NRXN2: variants seen among roughly 807,000 people sequenced by gnomAD.
NRXN2 encodes the protein neurexin 2.
A neutral mutation model predicts 128.8 loss-of-function variants in NRXN2; 29 were observed. The observed-to-expected ratio is 0.23, with a 90% confidence interval of 0.17 to 0.31. NRXN2 has a LOEUF of 0.31. Ranked by LOEUF, NRXN2 falls within the 10% of genes least tolerant of loss-of-function variation. The pLI is 1.00. For missense variants in NRXN2, 1,881 were observed against 2,452.6 expected, an observed-to-expected ratio of 0.77 and a Z score of 4.92; for synonymous variants, 1,098 against 1,075.2, an observed-to-expected ratio of 1.02 and a Z score of -0.41.
intron 20 of NRXN2, among the ~76,000 whole-genome samples, chr11:64,625,768 C>T (rs371063068): frequency 2.6e-5 from 4 of 152,178 alleles, no homozygotes; most frequent in East Asian, 1.9e-4. Context: ...TCACAAGGGG[C>T]TTGCTTGGTC....
rs1348948826 is a variant in NRXN2 at position 64,642,734 on chromosome 11, G to A, written c.3403+5485C>T. The A allele has an allele frequency of 5.6e-6, 8 of 1,427,718 alleles. No homozygotes were observed. The Admixed American group carries it at 1.9e-4, about 34-fold the overall frequency. 88.4% of individuals were successfully genotyped at this position (1,427,718 alleles called of 1,614,324 possible). A position where few individuals can be genotyped will look rare whatever the true frequency, so the allele number is the denominator to read the frequency against. On this transcript the variant is annotated intron_variant, in intron 17 of 22. Coordinates refer to ENST00000265459, the MANE Select transcript of NRXN2 (RefSeq NM_015080.4). Reference sequence around the variant, plus strand: ...GGTGGCGGCGGCGGCGGTGGAGGCGGCGGCAGGGGCCCAGCCAGGGCCGGG... The same window carrying A: ...GGTGGCGGCGGCGGCGGTGGAGGCGACGGCAGGGGCCCAGCCAGGGCCGGG...
intron 21 of NRXN2, among the ~76,000 whole-genome samples, chr11:64,620,747 G>A (rs751053460): frequency 4.1e-4 from 62 of 149,784 alleles, no homozygotes; most frequent in Admixed American, 6.7e-4. Flanking sequence ...ATGGGGCGGA[G>A]CCTGCAGAGG....
intron 11 of NRXN2, among the ~76,000 whole-genome samples, chr11:64,659,030 C>CA (rs937483967): frequency 5.9e-5 from 9 of 151,898 alleles, no homozygotes; most frequent in Non-Finnish European, 7.4e-5. Flanking sequence ...TCTCAAAAAA[C>CA]AAAAAAAATG....
intron 7 of NRXN2, among the ~76,000 whole-genome samples, chr11:64,669,933 G>A (rs147434286): frequency 7.2e-5 from 11 of 152,068 alleles, no homozygotes; most frequent in Middle Eastern, 3.2e-3. Flanking sequence ...GGGCCTTCCA[G>A]TCACATCCTA....
chr11:64,660,456 A>G lies in NRXN2; in HGVS notation c.2265T>C (p.Asp755=). The G allele has an allele frequency of 1.9e-6, 3 of 1,614,146 alleles. No homozygotes were observed. The highest frequency in any genetic ancestry group is 2.2e-5 in the East Asian group (1 of 44,880). The change falls in exon 11 of 23, where the codon GAT becomes GAC. Residue 755 remains aspartate, a synonymous_variant. Coordinates refer to ENST00000265459, the MANE Select transcript of NRXN2 (RefSeq NM_015080.4). This position sits in a 1 kb window ranked among gnomAD's most constrained non-coding sequence, Gnocchi z 5.2. ...GCTGGGACATGAAACGCAGGGACAC[A>G]TCCTCTGCCTCCGTGTGCATGGCGT... ...LPNAMHTEAE[D]VSLRFMSQRA... is the part of the protein sequence containing the mutation.
intron 21 of NRXN2, among the ~76,000 whole-genome samples, chr11:64,621,197 C>T (rs951717136): frequency 1.3e-5 from 2 of 152,104 alleles, no homozygotes. Context: ...CAAGGCAGTG[C>T]CTGGAGGACC....
At chr11:64,662,150 C>T (rs2049121765) in intron 9 of NRXN2, among the ~76,000 whole-genome samples, 1 of 151,432 alleles carries the variant, frequency 6.6e-6, no homozygotes, top group Non-Finnish European at 1.5e-5. Flanking sequence ...CCCAGCTACT[C>T]GGGAGACTAA....
chr11:64,713,175 G>C lies in NRXN2; in HGVS notation c.525C>G (p.Phe175Leu). 2.0e-6 allele frequency: 3 copies of C among 1,463,466 alleles called. No homozygotes were observed. Among genetic ancestry groups the C allele is most frequent in the Non-Finnish European group, 2.7e-6 (3 of 1,110,914 alleles). The allele number at this position is 1,463,466 out of a possible 1,614,324, so 90.7% of individuals were successfully genotyped here. The change falls in exon 2 of 23, where the codon TTC becomes TTG. Residue 175 changes from phenylalanine to leucine, a missense_variant. Physicochemically the swap from Phe to Leu is conservative, Grantham distance 22 (BLOSUM62 0). Around this residue, in one of 7 missense-constraint regions of NRXN2, gnomAD observed 997 missense variants for 1,240.8 expected, o/e 0.80. Coordinates refer to ENST00000265459, the MANE Select transcript of NRXN2 (RefSeq NM_015080.4). ...GCTTCAGGTTGGCCAAGAGGCCGCG[G>C]AAGGGCGGCTCGTACTTGACGGTGC... ...TLSTVKYEPP[F>L]RGLLANLKLG...
At chr11:64,665,985 C>T (rs1591953346) in intron 9 of NRXN2, among the ~76,000 whole-genome samples, 1 of 152,126 alleles carries the variant, frequency 6.6e-6, no homozygotes, top group Non-Finnish European at 1.5e-5. Flanking sequence ...GACCCCAGAA[C>T]CCTCTGCCCT....
At chr11:64,712,738 C>T (rs1462291301) in intron 2 of NRXN2, 2 of 669,660 alleles carry the variant, frequency 3.0e-6, no homozygotes, top group Non-Finnish European at 5.6e-6. Flanking sequence ...CGCCGCAGGA[C>T]TCACGCTGAC....
intron 6 of NRXN2, among the ~76,000 whole-genome samples, chr11:64,680,509 C>G (rs1280088822): frequency 6.6e-6 from 1 of 152,234 alleles, no homozygotes; most frequent in Admixed American, 6.5e-5. Flanking sequence ...GGCAGAGGAA[C>G]AGAGTGGTTT....
At chr11:64,704,486 A>C (rs1565457718) in intron 2 of NRXN2, among the ~76,000 whole-genome samples, 1 of 152,110 alleles carries the variant, frequency 6.6e-6, no homozygotes. Context: ...AACGAAAAAA[A>C]AGAACTGTCA....
intron 20 of NRXN2, among the ~76,000 whole-genome samples, chr11:64,624,233 G>C (rs562338333): frequency 6.6e-6 from 1 of 152,318 alleles, no homozygotes; most frequent in Non-Finnish European, 1.5e-5. Flanking sequence ...CCCGGGCTGA[G>C]GACAGTCCAA....
At chr11:64,688,351 C>T (rs2053355415) in intron 5 of NRXN2, 2 of 985,164 alleles carry the variant, frequency 2.0e-6, no homozygotes, top group Admixed American at 1.2e-4. Context: ...CCAAAGAGAA[C>T]CTGAAAGCCT....
chr11:64,664,490 A>AG (rs2049502985), intron 9 of NRXN2, among the ~76,000 whole-genome samples: 1 of 151,992 alleles, frequency 6.6e-6, no homozygotes, highest in African/African-American at 2.4e-5. Flanking sequence ...AAAAAAAAAA[A>AG]AAAAAGGTTA....
intron 19 of NRXN2, among the ~76,000 whole-genome samples, chr11:64,627,718 A>C (rs1325301592): frequency 6.6e-6 from 1 of 152,062 alleles, no homozygotes; most frequent in South Asian, 2.1e-4. Flanking sequence ...GGATCTGTAC[A>C]CCTCTGTGAG....
At chr11:64,686,787 C>G (rs1011926199) in intron 5 of NRXN2, among the ~76,000 whole-genome samples, 4 of 152,166 alleles carry the variant, frequency 2.6e-5, no homozygotes, top group African/African-American at 9.7e-5. Context: ...GTGTGCATGT[C>G]TGTGTGTGTG....
intron 7 of NRXN2, chr11:64,675,381 T>G (rs1321141298): frequency 2.0e-5 from 3 of 152,294 alleles, no homozygotes; most frequent in Non-Finnish European, 2.9e-5. Flanking sequence ...AGATGTAGCC[T>G]CAGAGGTAGA....
intron 18 of NRXN2, among the ~76,000 whole-genome samples, chr11:64,633,861 C>A (rs985149971): frequency 4.6e-5 from 7 of 152,096 alleles, no homozygotes; most frequent in Admixed American, 1.3e-4. Context: ...ACTTCCAGGC[C>A]TCTTCTTGGG....
Sources: allele counts gnomAD v4.1 joint callset (sites outside exome capture counted in the v4.1 genomes callset), GRCh38; gene constraint gnomAD v4.1.1; regional missense constraint gnomAD v4.1.1; non-coding constraint Gnocchi (gnomAD v3.1); transcripts MANE v1.5; gene names NCBI Gene and HGNC (gene_info 2026-07-23, HGNC 2026-07-21).